MGAT5B: variants seen among roughly 807,000 people sequenced by gnomAD.
The protein encoded by MGAT5B is N-acetylglucosaminyl-transferase Vb.
In MGAT5B, 54 loss-of-function variants were observed where a neutral mutation model predicts 95.1. The observed-to-expected ratio is 0.57, with a 90% CI of 0.46 to 0.71. MGAT5B has a LOEUF of 0.71. Ranked by LOEUF, MGAT5B falls within the 30% of genes least tolerant of loss-of-function variation. The pLI is 0.00. For synonymous variants in MGAT5B, 464 were observed against 451.0 expected (o/e 1.03, Z -0.36); for missense variants, 935 against 1,088.6 (o/e 0.86, Z 1.99).
At chr17:76,886,815 G>A (rs1363860703) in intron 3 of MGAT5B, among the ~76,000 whole-genome samples, 2 of 152,100 alleles carry the variant, frequency 1.3e-5, no homozygotes, top group Non-Finnish European at 2.9e-5. Context: ...AGGCCGAGGT[G>A]GTCGGATCAC....
rs1242286176 is a variant in MGAT5B at position 76,868,739 on chromosome 17, C to T, written c.-291C>T. 1 of 188,892 alleles carries T rather than the reference C, an allele frequency of 5.3e-6. No individual in the cohort carries two copies. The highest frequency in any genetic ancestry group is 2.4e-5 in the African/African-American group (1 of 42,386). The allele number at this position is 188,892 out of a possible 1,614,324, so 11.7% of individuals were successfully genotyped here. A position where few individuals can be genotyped will look rare whatever the true frequency, so the allele number is the denominator to read the frequency against. On this transcript the variant is annotated 5_prime_UTR_variant, in exon 1 of 18. Transcript: ENST00000569840. The surrounding 1 kb of genome is among the most constrained non-coding windows in gnomAD (Gnocchi z 6.3). Reference sequence around the variant, plus strand: ...GAGCGAGCCCGAGCAGGCAGACGCGCGGCCGGCGGTCTGGGGGCGCGCCGC... The same window carrying T: ...GAGCGAGCCCGAGCAGGCAGACGCGTGGCCGGCGGTCTGGGGGCGCGCCGC...
In MGAT5B at chr17:76,902,675, G is replaced by T. The variant is rs1278358006; in HGVS notation, c.445+5G>T. 6.4e-7 allele frequency: 1 copy of T among 1,571,290 alleles called. No homozygotes were observed. The highest frequency in any genetic ancestry group is 8.6e-7 in the Non-Finnish European group (1 of 1,156,686). On this transcript the variant is annotated splice_donor_5th_base_variant and intron_variant, in intron 4 of 17. Transcript: ENST00000569840. ...GTCTGCTCCTGCACAGCAAGGGTGG[G>T]TGCCAGGGGGCGGGGGTACCCTCTA...
chr17:76,910,931 A>G (rs547121864), intron 8 of MGAT5B, among the ~76,000 whole-genome samples: 101 of 152,366 alleles, frequency 6.6e-4, no homozygotes, highest in African/African-American at 2.4e-3. Context: ...GCTACCAAAT[A>G]CAATTTAAAA....
intron 5 of MGAT5B, 52 bp from the exon 6 acceptor site, chr17:76,904,200 G>A (rs1193086970): frequency 3.2e-6 from 5 of 1,542,302 alleles, no homozygotes; most frequent in South Asian, 2.4e-5. Context: ...GGGAGTCCCC[G>A]AGGGTCAGTG....
chr17:76,897,910 G>T (rs959477574), intron 3 of MGAT5B, among the ~76,000 whole-genome samples: 3 of 151,486 alleles, frequency 2.0e-5, no homozygotes, highest in African/African-American at 7.3e-5. Flanking sequence ...ACAAAAATTA[G>T]CCAGGCATGG....
rs572763864 is a variant in MGAT5B at position 76,918,469 on chromosome 17, G to A, written c.1026-6497G>A. Among the ~76,000 whole-genome samples the A allele has an allele frequency of 1.2e-4, 18 of 152,358 alleles. No individual in the cohort carries two copies. The South Asian group carries it at 3.3e-3, about 28-fold the overall frequency. ...CGTAAAGCAACTCTGGGCTGCTTCT[G>A]TTGGGTACAGGGAGGTCAGTCCATC... On this transcript the variant is annotated intron_variant, in intron 8 of 17. Transcript: ENST00000569840. The surrounding 1 kb of genome is among the most constrained non-coding windows in gnomAD (Gnocchi z 5.1).
chr17:76,925,532 A>T (rs1030105919), intron 9 of MGAT5B, among the ~76,000 whole-genome samples: 11 of 151,670 alleles, frequency 7.3e-5, no homozygotes, highest in Admixed American at 6.6e-4. Flanking sequence ...GGCCAAGGCC[A>T]TCGCTCCCTG....
At position 76,929,475 on chromosome 17, in the gene MGAT5B, T is replaced by C. The variant is rs1378264747; in HGVS notation, c.1291+2745T>C. Among the ~76,000 whole-genome samples the C allele has an allele frequency of 2.0e-5, 3 of 152,242 alleles. 1 individual carries two copies. Among genetic ancestry groups the C allele is most frequent in the African/African-American group, 4.8e-5 (2 of 41,460 alleles). Reference sequence around the variant, plus strand: ...ACCTCTATTTTTATAATTCTTAAACTTAACTCCGTTAAAGCATATGTTGAA... The same window carrying C: ...ACCTCTATTTTTATAATTCTTAAACCTAACTCCGTTAAAGCATATGTTGAA... On this transcript the variant is annotated intron_variant, in intron 10 of 17. Coordinates refer to ENST00000569840, the MANE Select transcript of MGAT5B (RefSeq NM_001199172.2).
At chr17:76,888,390 G>A (rs756193721) in intron 3 of MGAT5B, among the ~76,000 whole-genome samples, 1 of 152,090 alleles carries the variant, frequency 6.6e-6, no homozygotes, top group African/African-American at 2.4e-5. Flanking sequence ...CTGCTCCGGC[G>A]CTCATGTTTC....
intron 8 of MGAT5B, among the ~76,000 whole-genome samples, chr17:76,908,463 C>T (rs367561115): frequency 9.9e-5 from 15 of 151,962 alleles, no homozygotes; most frequent in East Asian, 7.7e-4. Context: ...GACAGGGTTT[C>T]ACTATGTTGC....
chr17:76,948,801 G>T lies in MGAT5B; in HGVS notation c.2342G>T (p.Arg781Leu), dbSNP rs1022074379. The change falls in exon 18 of 18, where the codon CGC (arginine) becomes CTC (leucine). Residue 781 changes from arginine (R) to leucine (L), a missense_variant. By Grantham distance (102) the Arg-to-Leu change is moderately radical. Coordinates refer to ENST00000569840, the MANE Select transcript of MGAT5B (RefSeq NM_001199172.2). Reference sequence around the variant, plus strand: ...CGGCTCTGCCCCTGCCGCGACTTCCGCAAGGGCCAGGTGGCCTTGTGCCAG... The same window carrying T: ...CGGCTCTGCCCCTGCCGCGACTTCCTCAAGGGCCAGGTGGCCTTGTGCCAG... ...YRRLCPCRDF[R>L]KGQVALCQGC... The T allele has an allele frequency of 6.2e-6, 10 of 1,606,934 alleles. No homozygotes were observed. Among genetic ancestry groups the T allele is most frequent in the Non-Finnish European group, 8.5e-6 (10 of 1,177,626 alleles).
In MGAT5B at chr17:76,873,070, A is replaced by G. The variant is rs1007445136; in HGVS notation, c.181+107A>G. 4 of 1,264,296 alleles carry G rather than the reference A, an allele frequency of 3.2e-6. No homozygotes were observed. In the African/African-American group the frequency reaches 5.9e-5, roughly 19 times the overall value. 78.3% of individuals were successfully genotyped at this position (1,264,296 alleles called of 1,614,324 possible). A position where few individuals can be genotyped will look rare whatever the true frequency, so the allele number is the denominator to read the frequency against. ...GTACCTGGCTTTCTGGCCGCCCTGTAGGTGGATGTGAGTGGAGGGGGCCTG... is the reference window on the plus strand; with the variant it reads ...GTACCTGGCTTTCTGGCCGCCCTGTGGGTGGATGTGAGTGGAGGGGGCCTG... On this transcript the variant is annotated intron_variant, in intron 2 of 17. Transcript: ENST00000569840.
intron 1 of MGAT5B, chr17:76,872,586 C>T: frequency 1.5e-6 from 2 of 1,366,898 alleles, no homozygotes; most frequent in African/African-American, 1.5e-5. Context: ...GAGGCTAGAG[C>T]CCGCCTGCCT....
chr17:76,928,576 G>A (rs1445288085), intron 10 of MGAT5B, among the ~76,000 whole-genome samples: 1 of 151,942 alleles, frequency 6.6e-6, no homozygotes, highest in African/African-American at 2.4e-5. Flanking sequence ...GTGGTCGTGG[G>A]TGCCTGTAAT....
chr17:76,932,681 C>A lies in MGAT5B; in HGVS notation c.1328C>A (p.Ser443Tyr). 1.9e-6 allele frequency: 3 copies of A among 1,614,050 alleles called. No individual in the cohort carries two copies. The highest frequency in any genetic ancestry group is 2.5e-6 in the Non-Finnish European group (3 of 1,179,962). The part of the protein sequence containing the change: ...TPDNSFMGFV[S>Y]EELNETEKRL... The stretch of plus-strand genomic sequence containing the variant: ...GACAACTCCTTCATGGGCTTCGTGT[C>A]CGAGGAGCTCAACGAGACGGAGAAG... Residue 443 changes from serine (S) to tyrosine (Y), a missense_variant, in exon 11 of 18, where the codon TCC becomes TAC. This residue lies in a region of MGAT5B where 440 missense variants were observed against 523.6 expected (regional missense o/e 0.84). Transcript: ENST00000569840.
chr17:76,941,513 A>G (rs1303228988), intron 15 of MGAT5B, among the ~76,000 whole-genome samples: 2 of 152,102 alleles, frequency 1.3e-5, no homozygotes, highest in African/African-American at 4.8e-5. Context: ...TCCTCTCACT[A>G]TGGTTCTCCT....
At chr17:76,901,000 G>A (rs966003582) in intron 3 of MGAT5B, among the ~76,000 whole-genome samples, 1 of 150,658 alleles carries the variant, frequency 6.6e-6, no homozygotes, top group African/African-American at 2.4e-5. Context: ...TGTACATGGG[G>A]GGCTTGTTCC....
intron 3 of MGAT5B, among the ~76,000 whole-genome samples, chr17:76,887,501 C>G (rs1411168781): frequency 1.7e-5 from 1 of 59,878 alleles, no homozygotes; most frequent in East Asian, 8.8e-4. Flanking sequence ...CTCCCTTCCT[C>G]TCTCCCTCCC....
chr17:76,932,926 A>G, intron 11 of MGAT5B, 151 bp downstream of exon 11: 1 of 1,279,768 alleles, frequency 7.8e-7, no homozygotes, highest in Non-Finnish European at 1.1e-6. Context: ...TTCAGGACAA[A>G]AAGTTCCTAA....
Sources: gnomAD v4.1 joint callset for allele counts (sites outside exome capture counted in the v4.1 genomes callset) on GRCh38, gnomAD v4.1.1 for gene constraint, gnomAD v4.1.1 regional missense constraint, Gnocchi (gnomAD v3.1) non-coding constraint, MANE v1.5 for transcripts, NCBI Gene and HGNC (gene_info 2026-07-23, HGNC 2026-07-21) for gene names.